The following ADAMTS3 variants were observed in gnomAD, a reference collection of about 807,000 sequenced individuals.
ADAMTS3 encodes A disintegrin and metalloproteinase with thrombospondin motifs 3.
A neutral mutation model predicts 129.0 loss-of-function variants in ADAMTS3; 73 were observed. That is an observed-to-expected ratio of 0.57 (90% CI 0.47 to 0.69). The LOEUF (loss-of-function observed/expected upper bound fraction) is 0.69, where lower values mean the gene tolerates loss of function less well. Among genes scored for constraint, ADAMTS3 ranks in the 30% least tolerant of loss-of-function variants. The probability of loss-of-function intolerance (pLI) is 0.00; values close to 1 mark genes in which losing one functional copy is unlikely to be tolerated. For synonymous variants in ADAMTS3, 477 were observed against 510.8 expected (o/e 0.93, Z 0.89); for missense variants, 1,457 against 1,514.5 (o/e 0.96, Z 0.63).
chr4:72,316,940 G>C (rs1183651571), intron 10 of ADAMTS3, among the ~76,000 whole-genome samples: 1 of 152,044 alleles, frequency 6.6e-6, no homozygotes, highest in African/African-American at 2.4e-5. Flanking sequence ...CACAAGACTA[G>C]AGTCTTGGTT....
chr4:72,391,101 C>T (rs1721581904), intron 4 of ADAMTS3, among the ~76,000 whole-genome samples: 1 of 151,904 alleles, frequency 6.6e-6, no homozygotes, highest in Admixed American at 6.6e-5. Context: ...TTACGGGTAA[C>T]ATCACTGAAA....
intron 3 of ADAMTS3, among the ~76,000 whole-genome samples, chr4:72,454,575 G>C (rs1718492353): frequency 6.6e-6 from 1 of 151,696 alleles, no homozygotes; most frequent in Admixed American, 6.6e-5. Context: ...TGTAGCACTT[G>C]ACACTAGCTA....
chr4:72,290,238 C>T (rs936869250), intron 20 of ADAMTS3, among the ~76,000 whole-genome samples: 1 of 152,052 alleles, frequency 6.6e-6, no homozygotes, highest in African/African-American at 2.4e-5. Context: ...AATATAGATT[C>T]AAGAATCAGA....
In ADAMTS3 at chr4:72,439,888, T is replaced by C. The variant is rs140167311; in HGVS notation, c.505-24917A>G. On this transcript the variant is annotated intron_variant, in intron 3 of 21. Coordinates refer to ENST00000286657, the MANE Select transcript of ADAMTS3 (RefSeq NM_014243.3). ...AAGGCAATAATTTTCTAAAAAAAAG[T>C]TGCTTCCTTCTCCAATTATTTTTGT... Among the ~76,000 whole-genome samples the C allele has an allele frequency of 1.1e-3, 174 of 151,778 alleles. 1 individual carries two copies. The highest frequency in any genetic ancestry group is 3.9e-3 in the African/African-American group (162 of 41,394).
intron 3 of ADAMTS3, among the ~76,000 whole-genome samples, chr4:72,510,495 G>A (rs1260771575): frequency 6.6e-6 from 1 of 151,046 alleles, no homozygotes; most frequent in African/African-American, 2.4e-5. Context: ...AATCTGAAAA[G>A]GAAATAAAAA....
At chr4:72,480,438 C>T (rs1033633195) in intron 3 of ADAMTS3, among the ~76,000 whole-genome samples, 4 of 151,816 alleles carry the variant, frequency 2.6e-5, no homozygotes, top group East Asian at 1.9e-4. Context: ...AGTAAACTAT[C>T]GCAAGGACAA....
At chr4:72,328,766 T>G (rs1016183166) in intron 5 of ADAMTS3, among the ~76,000 whole-genome samples, 1 of 152,156 alleles carries the variant, frequency 6.6e-6, no homozygotes, top group Admixed American at 6.6e-5. Flanking sequence ...TATACAAAAT[T>G]TTTTTAAAGA....
intron 3 of ADAMTS3, among the ~76,000 whole-genome samples, chr4:72,485,761 A>T (rs1719574192): frequency 6.6e-6 from 1 of 152,176 alleles, no homozygotes; most frequent in African/African-American, 2.4e-5. Context: ...ATACGTTGAA[A>T]CCTAACCCTT....
intron 7 of ADAMTS3, 89 bp downstream of exon 7, chr4:72,320,625 A>G (rs1316315862): frequency 7.3e-7 from 1 of 1,362,744 alleles, no homozygotes; most frequent in Non-Finnish European, 1.0e-6. Context: ...AGTGGTGGAG[A>G]GCAGAACATT....
At chr4:72,294,289 G>A (rs1218693350) in intron 19 of ADAMTS3, among the ~76,000 whole-genome samples, 2 of 152,014 alleles carry the variant, frequency 1.3e-5, no homozygotes, top group African/African-American at 4.8e-5. Context: ...TGGTGATTAG[G>A]GGCTTGGGTG....
intron 3 of ADAMTS3, among the ~76,000 whole-genome samples, chr4:72,429,349 A>C (rs912518623): frequency 2.0e-5 from 3 of 152,064 alleles, no homozygotes; most frequent in Admixed American, 1.3e-4. Context: ...AGAATAACTC[A>C]AGGTGTCTTA....
At position 72,548,504 on chromosome 4, in the gene ADAMTS3, C is replaced by G. The variant is rs776172981; in HGVS notation, c.478G>C (p.Val160Leu). 1 of 1,613,786 alleles carries G rather than the reference C, an allele frequency of 6.2e-7. No individual in the cohort carries two copies. The highest frequency in any genetic ancestry group is 1.1e-5 in the South Asian group (1 of 91,070). ...GDIVDIPGTS[V>L]AISNCDGLAG... ...AGACCATCACAGTTGCTGATGGCAA[C>G]AGAGGTTCCTGGAATGTCCACGATG... The change falls in exon 3 of 22, where the codon GTT becomes CTT. Residue 160 changes from valine (V) to leucine (L), a missense_variant. By Grantham distance (32) the Val-to-Leu change is conservative. Transcript: ENST00000286657.
At chr4:72,563,968 A>T (rs568164457) in intron 2 of ADAMTS3, among the ~76,000 whole-genome samples, 2 of 152,316 alleles carry the variant, frequency 1.3e-5, no homozygotes, top group Admixed American at 6.5e-5. Flanking sequence ...ACTCACACTA[A>T]ACCTTACAAA....
intron 4 of ADAMTS3, among the ~76,000 whole-genome samples, chr4:72,347,957 A>C (rs954442197): frequency 1.3e-5 from 2 of 151,996 alleles, no homozygotes; most frequent in African/African-American, 2.4e-5. Context: ...AAAGCTCTTC[A>C]CCTCAAACTT....
In ADAMTS3 at chr4:72,519,950, T is replaced by C. The variant is rs1197627727; in HGVS notation, c.504+28528A>G. Among the ~76,000 whole-genome samples the C allele has an allele frequency of 2.0e-5, 3 of 152,190 alleles. 1 individual carries two copies. The highest frequency in any genetic ancestry group is 4.4e-5 in the Non-Finnish European group (3 of 68,016). On this transcript the variant is annotated intron_variant, in intron 3 of 21. Transcript: ENST00000286657. ...AGTTTCCAGTTTTTCTGCTCTGTTT[T>C]TTCCCCATCTTTGTGGTTTTATCTA...
chr4:72,318,503 T>C, intron 10 of ADAMTS3, 69 bp downstream of exon 10: 1 of 1,539,252 alleles, frequency 6.5e-7, no homozygotes, highest in Non-Finnish European at 8.8e-7. Flanking sequence ...AGTCTGTAAA[T>C]CTCACCAAGC....
In ADAMTS3 at chr4:72,283,178, A is replaced by C; in HGVS notation, c.3576T>G (p.Ile1192Met). 1 of 1,613,428 alleles carries C rather than the reference A, an allele frequency of 6.2e-7. No individual in the cohort carries two copies. The highest frequency in any genetic ancestry group is 2.2e-5 in the East Asian group (1 of 44,850). Residue 1192 changes from isoleucine to methionine, a missense_variant, in exon 22 of 22, where the codon ATT becomes ATG. Physicochemically the swap from Ile to Met is conservative, Grantham distance 10. Transcript: ENST00000286657. ...ARTSKKDGKIIDNRRPTRSST... is the reference protein window; with the variant it reads ...ARTSKKDGKIMDNRRPTRSST... ...ATGATCTTGTCGGACGTCTGTTGTC[A>C]ATGATCTTTCCATCTTTCTTTGAGG...
At chr4:72,296,760 C>T (rs76851612) in intron 18 of ADAMTS3, among the ~76,000 whole-genome samples, 1 of 152,136 alleles carries the variant, frequency 6.6e-6, no homozygotes, top group Non-Finnish European at 1.5e-5. Flanking sequence ...TATTATCTAA[C>T]ATACAGACCT....
intron 4 of ADAMTS3, among the ~76,000 whole-genome samples, chr4:72,407,073 C>A (rs771066919): frequency 1.1e-4 from 16 of 152,078 alleles, no homozygotes; most frequent in Middle Eastern, 3.2e-3. Flanking sequence ...ATATCCCAGC[C>A]TGATTAACTT....
Sources: gnomAD v4.1 joint callset for allele counts (sites outside exome capture counted in the v4.1 genomes callset) on GRCh38, gnomAD v4.1.1 for gene constraint, MANE v1.5 for transcripts, NCBI Gene and HGNC (gene_info 2026-07-23, HGNC 2026-07-21) for gene names.